The following ZNF496 variants were observed in gnomAD, a reference collection of about 807,000 sequenced individuals.
The protein encoded by ZNF496 is zinc finger protein 496.
ZNF496 carries 11 observed loss-of-function variants against 58.9 expected under a neutral mutation model. The observed-to-expected ratio is 0.19, with a 90% CI of 0.12 to 0.31. ZNF496 has a LOEUF of 0.31. Ranked by LOEUF, ZNF496 falls within the 10% of genes least tolerant of loss-of-function variation. The pLI, the probability that ZNF496 is intolerant of heterozygous loss-of-function variation, is 1.00. For synonymous variants in ZNF496, 338 were observed against 318.2 expected (o/e 1.06, Z -0.66); for missense variants, 660 against 783.0 (o/e 0.84, Z 1.88).
At position 247,298,509 on chromosome 1, in the gene ZNF496, C is replaced by A. The variant is rs997458475; in HGVS notation, c.*2010G>T. On this transcript the variant is annotated 3_prime_UTR_variant, in exon 10 of 10. Transcript: ENST00000682384. ...TAATTTTTTGCATTTTTGGTACAGA[C>A]GGGGTTTTGCCATGTGGCCCAGGCT... 1.3e-5 allele frequency: 2 copies of A among 152,584 alleles called. No individual in the cohort carries two copies. The highest frequency in any genetic ancestry group is 2.9e-5 in the Non-Finnish European group (2 of 68,364). The allele number at this position is 152,584 out of a possible 1,614,324, so 9.5% of individuals were successfully genotyped here. A position where few individuals can be genotyped will look rare whatever the true frequency, so the allele number is the denominator to read the frequency against.
rs1558438198 is a variant in ZNF496 at position 247,308,496 on chromosome 1, C to T, written c.985G>A (p.Val329Met). ...PEFQACPQTV[V>M]PQNTYPAGGN... ...TTACCTGGGTAGGTGTTTTGAGGCA[C>T]CACCGTCTGTGGGCAGGCCTGGAAC... is the stretch of plus-strand genomic sequence containing the variant. The change falls in exon 9 of 10, where the codon GTG becomes ATG. Residue 329 changes from valine to methionine, a missense_variant. Coordinates refer to ENST00000682384, the MANE Select transcript of ZNF496 (RefSeq NM_032752.3). This position sits in a 1 kb window ranked among gnomAD's most constrained non-coding sequence, Gnocchi z 4.5. The T allele has an allele frequency of 6.2e-7, 1 of 1,614,140 alleles. No individual in the cohort carries two copies. The highest frequency in any genetic ancestry group is 8.5e-7 in the Non-Finnish European group (1 of 1,179,990).
At chr1:247,307,873 T>C in intron 9 of ZNF496, 1 of 985,046 alleles carries the variant, frequency 1.0e-6, no homozygotes, top group Non-Finnish European at 1.2e-6. Context: ...GTGGTGACTT[T>C]TACCAAGACG....
chr1:247,299,682 T>C lies in ZNF496; in HGVS notation c.*837A>G, dbSNP rs752788601. ...AGGGACTTAAGTGCCTTTTAAACGA[T>C]GACAACTCCGCTTCCAACCCACAAG... On this transcript the variant is annotated 3_prime_UTR_variant, in exon 10 of 10. Coordinates refer to ENST00000682384, the MANE Select transcript of ZNF496 (RefSeq NM_032752.3). 6.6e-6 allele frequency: 1 copy of C among 152,354 alleles called. No homozygotes were observed. The highest frequency in any genetic ancestry group is 1.9e-4 in the East Asian group (1 of 5,172). The allele number at this position is 152,354 out of a possible 1,614,324, so 9.4% of individuals were successfully genotyped here.
chr1:247,329,637 T>A lies in ZNF496; in HGVS notation c.-37-22A>T. 1 of 1,511,630 alleles carries A rather than the reference T, an allele frequency of 6.6e-7. No individual in the cohort carries two copies. The highest frequency in any genetic ancestry group is 8.8e-7 in the Non-Finnish European group (1 of 1,133,164). The allele number at this position is 1,511,630 out of a possible 1,614,324, so 93.6% of individuals were successfully genotyped here. ...GACCCTATTTCCAAACAGAAATCAC[T>A]GGCTTCAGTGTTCTGGTCTCCTGTG... is the stretch of plus-strand genomic sequence containing the variant. On this transcript the variant is annotated intron_variant, in intron 3 of 9. Transcript: ENST00000682384. This position sits in a 1 kb window ranked among gnomAD's most constrained non-coding sequence, Gnocchi z 5.5.
chr1:247,329,520 T>C lies in ZNF496; in HGVS notation c.59A>G (p.Lys20Arg), dbSNP rs1660249295. ...LAPKESEEPR[K>R]MRSPPGENPS... The stretch of plus-strand genomic sequence containing the variant: ...GTTCTCTCCAGGTGGGCTCCTCATT[T>C]TCCTGGGCTCCTCACTTTCCTTCGG... Residue 20 changes from lysine (K) to arginine (R), a missense_variant, in exon 4 of 10, where the codon AAA (lysine) becomes AGA (arginine). Coordinates refer to ENST00000682384, the MANE Select transcript of ZNF496 (RefSeq NM_032752.3). The surrounding 1 kb of genome is among the most constrained non-coding windows in gnomAD (Gnocchi z 5.5). The C allele has an allele frequency of 1.3e-6, 2 of 1,581,586 alleles. No homozygotes were observed. The highest frequency in any genetic ancestry group is 2.2e-5 in the East Asian group (1 of 44,598).
In ZNF496 at chr1:247,306,457, A is replaced by C. The variant is rs532571593; in HGVS notation, c.1006+2018T>G. 4.7e-4 allele frequency among the ~76,000 whole-genome samples: 70 copies of C among 149,288 alleles called. No homozygotes were observed. In the South Asian group the frequency reaches 0.013, roughly 29 times the overall value. On this transcript the variant is annotated intron_variant, in intron 9 of 9. Coordinates refer to ENST00000682384, the MANE Select transcript of ZNF496 (RefSeq NM_032752.3). ...AGCGATCTGCCTGCCTCAGCCTCTC[A>C]ATGTGCTGGGATTACAGGCGTGAGC...
intron 9 of ZNF496, among the ~76,000 whole-genome samples, chr1:247,303,779 T>A (rs1268518227): frequency 1.3e-5 from 2 of 152,210 alleles, no homozygotes; most frequent in African/African-American, 4.8e-5. Context: ...GAACCATGAC[T>A]TCAAGATTTG....
At chr1:247,302,632 C>T (rs758192447) in intron 9 of ZNF496, among the ~76,000 whole-genome samples, 5 of 152,102 alleles carry the variant, frequency 3.3e-5, no homozygotes, top group East Asian at 1.9e-4. Context: ...TGAGCCACTG[C>T]GCCCGCCGAG....
At chr1:247,326,724 G>A (rs1412179319) in intron 5 of ZNF496, among the ~76,000 whole-genome samples, 3 of 152,168 alleles carry the variant, frequency 2.0e-5, no homozygotes, top group Non-Finnish European at 4.4e-5. Flanking sequence ...AGTATTTGGA[G>A]ATAGGGTCTT....
intron 9 of ZNF496, among the ~76,000 whole-genome samples, chr1:247,304,283 G>C (rs2103016791): frequency 6.6e-6 from 1 of 152,256 alleles, no homozygotes; most frequent in Admixed American, 6.5e-5. Context: ...CAAAGAGCAG[G>C]GCCAGTAGCC....
At chr1:247,320,186 T>C (rs115339952) in intron 6 of ZNF496, among the ~76,000 whole-genome samples, 278 of 152,258 alleles carry the variant, frequency 1.8e-3, no homozygotes, top group African/African-American at 6.3e-3. Flanking sequence ...CACACAAATA[T>C]TTACAGCAGC....
At chr1:247,316,643 TA>T (rs1263906962) in intron 6 of ZNF496, among the ~76,000 whole-genome samples, 15 of 152,196 alleles carry the variant, frequency 9.9e-5, no homozygotes, top group South Asian at 2.1e-4. Context: ...AGAAGTCAAT[TA>T]TTTTTTTTAT....
In ZNF496 at chr1:247,317,027, T is replaced by C. The variant is rs1424083030; in HGVS notation, c.651+6127A>G. Among the ~76,000 whole-genome samples the C allele has an allele frequency of 2.0e-5, 3 of 152,158 alleles. No homozygotes were observed. The East Asian group carries it at 5.8e-4, about 29-fold the overall frequency. ...GTGGTATCTTTTCACTTCCTACATT[T>C]TGTTAATTTTTCACGAGAAGGGATG... is the stretch of plus-strand genomic sequence containing the variant. On this transcript the variant is annotated intron_variant, in intron 6 of 9. Coordinates refer to ENST00000682384, the MANE Select transcript of ZNF496 (RefSeq NM_032752.3).
chr1:247,331,106 C>T (rs10924988), intron 2 of ZNF496, among the ~76,000 whole-genome samples: 137,030 of 152,158 alleles, frequency 0.9, 63,223 homozygotes, highest in East Asian at 1. Flanking sequence ...ACTACTCAGG[C>T]CCGCCCCCCC....
chr1:247,319,878 G>A (rs1008348201), intron 6 of ZNF496, among the ~76,000 whole-genome samples: 7 of 152,096 alleles, frequency 4.6e-5, no homozygotes, highest in African/African-American at 1.4e-4. Flanking sequence ...AGCTGAGATC[G>A]CGCCACTGCA....
chr1:247,330,596 GACCAGCA>G (rs1361793486), intron 2 of ZNF496, among the ~76,000 whole-genome samples: 1 of 152,226 alleles, frequency 6.6e-6, no homozygotes, highest in Non-Finnish European at 1.5e-5. Context: ...GGTGGCAAGA[GACCAGCA>G]ACCAGTATAC....
In ZNF496 at chr1:247,320,762, C is replaced by T. The variant is rs965983006; in HGVS notation, c.651+2392G>A. Among the ~76,000 whole-genome samples, 8 of 152,124 alleles carry T rather than the reference C, an allele frequency of 5.3e-5. No homozygotes were observed. The South Asian group carries it at 6.2e-4, about 12-fold the overall frequency. On this transcript the variant is annotated intron_variant, in intron 6 of 9. Coordinates refer to ENST00000682384, the MANE Select transcript of ZNF496 (RefSeq NM_032752.3). ...AACAAAACTTCACGTGTACCATGTT[C>T]ATAGCAGCATTATTCACAAAAGCCA...
intron 9 of ZNF496, among the ~76,000 whole-genome samples, chr1:247,305,225 A>C (rs1659372177): frequency 6.6e-6 from 1 of 152,186 alleles, no homozygotes; most frequent in Admixed American, 6.5e-5. Context: ...CAGTAAGCCA[A>C]GATCGCGCCA....
chr1:247,303,345 C>T (rs1444351896), intron 9 of ZNF496, among the ~76,000 whole-genome samples: 4 of 152,174 alleles, frequency 2.6e-5, no homozygotes, highest in Non-Finnish European at 5.9e-5. Flanking sequence ...GTTTAAGTCA[C>T]CCAGCCTGTG....
Sources: gnomAD v4.1 joint callset for allele counts (sites outside exome capture counted in the v4.1 genomes callset) on GRCh38, gnomAD v4.1.1 for gene constraint, Gnocchi (gnomAD v3.1) non-coding constraint, MANE v1.5 for transcripts, NCBI Gene and HGNC (gene_info 2026-07-23, HGNC 2026-07-21) for gene names.